Variants in CFAP52 observed in about 807,000 individuals in gnomAD.
The protein encoded by CFAP52 is cilia and flagella associated protein 52, also known as cilia- and flagella-associated protein 52.
Under a neutral mutation model 70.5 loss-of-function variants are expected in CFAP52, and 57 were observed. The ratio of observed to expected loss-of-function variants is 0.81; its 90% CI spans 0.65 to 1.01. The LOEUF (loss-of-function observed/expected upper bound fraction) is 1.01, where lower values mean the gene tolerates loss of function less well. Ranked by LOEUF, CFAP52 falls within the 50% of genes least tolerant of loss-of-function variation. CFAP52 has a pLI of 0.00. For missense variants in CFAP52, 785 were observed against 788.5 expected, an observed-to-expected ratio of 1.00 and a Z score of 0.05; for synonymous variants, 267 against 292.5, an observed-to-expected ratio of 0.91 and a Z score of 0.89.
intron 9 of CFAP52, among the ~76,000 whole-genome samples, chr17:9,629,504 T>C (rs1010578782): frequency 8.6e-5 from 13 of 151,350 alleles, no homozygotes; most frequent in African/African-American, 3.2e-4. Context: ...TCTTTTCTTT[T>C]CTTTCTTTCT....
At chr17:9,596,057 GTGTATATATATATATATATATATATA>G (rs1214769618) in intron 4 of CFAP52, among the ~76,000 whole-genome samples, 6 of 103,584 alleles carry the variant, frequency 5.8e-5, no homozygotes, top group East Asian at 3.2e-4. Context: ...ATATATGTGT[GTGTATATATATATATATATATATATA>G]TATATATATA....
intron 12 of CFAP52, chr17:9,639,135 A>G: frequency 1.9e-5 from 3 of 154,780 alleles, no homozygotes; most frequent in South Asian, 2.0e-4. Flanking sequence ...ATACATTAAA[A>G]ATCTACACAC....
intron 1 of CFAP52, among the ~76,000 whole-genome samples, chr17:9,585,496 G>A (rs577054095): frequency 2.4e-4 from 37 of 152,092 alleles, no homozygotes; most frequent in Admixed American, 3.3e-4. Context: ...GTGAAACCCC[G>A]TCTCTACTAA....
At chr17:9,612,626 T>A in intron 8 of CFAP52, 147 bp downstream of exon 8, 1 of 932,542 alleles carries the variant, frequency 1.1e-6, no homozygotes, top group South Asian at 2.0e-5. Flanking sequence ...TTTAAGAGAC[T>A]TTCCATTGTC....
At position 9,628,835 on chromosome 17, in the gene CFAP52, T is replaced by C. The variant is rs1220588467; in HGVS notation, c.1174+15T>C. ...CATCATTTCAGGTAACGTCCACATG[T>C]CAAGATCTGGCTTGGGGCTCTAGCT... On this transcript the variant is annotated intron_variant, in intron 9 of 13. Coordinates refer to ENST00000352665, the MANE Select transcript of CFAP52 (RefSeq NM_145054.5). 1 of 1,613,878 alleles carries C rather than the reference T, an allele frequency of 6.2e-7. No homozygotes were observed. The highest frequency in any genetic ancestry group is 8.5e-7 in the Non-Finnish European group (1 of 1,179,854).
chr17:9,631,232 C>T (rs57510845), intron 9 of CFAP52, among the ~76,000 whole-genome samples: 2,392 of 151,934 alleles, frequency 0.016, 76 homozygotes, highest in African/African-American at 0.054. Flanking sequence ...ACCTTCTTAC[C>T]TGGAGCTCTT....
chr17:9,577,600 T>C (rs1908022381), intron 1 of CFAP52, among the ~76,000 whole-genome samples: 2 of 152,174 alleles, frequency 1.3e-5, no homozygotes, highest in Admixed American at 1.3e-4. Context: ...CTGTCTAAAG[T>C]TTTAAGCATA....
chr17:9,576,720 G>A lies in CFAP52; in HGVS notation c.25G>A (p.Ala9Thr). Residue 9 changes from alanine (A) to threonine (T), a missense_variant, in exon 1 of 14, where the codon GCC (alanine) becomes ACC (threonine). Ala to Thr is a moderately conservative substitution (Grantham distance 58). Coordinates refer to ENST00000352665, the MANE Select transcript of CFAP52 (RefSeq NM_145054.5). ...GATGGATAACAAAATTTCGCCGGAGGCCCAAGTGGCGGAGCTGGAACTTGA... is the reference window on the plus strand; with the variant it reads ...GATGGATAACAAAATTTCGCCGGAGACCCAAGTGGCGGAGCTGGAACTTGA... The part of the protein sequence containing the change: MDNKISPE[A>T]QVAELELDAV... The A allele has an allele frequency of 1.9e-6, 3 of 1,612,408 alleles. No individual in the cohort carries two copies. The highest frequency in any genetic ancestry group is 2.5e-6 in the Non-Finnish European group (3 of 1,179,218).
chr17:9,642,926 A>G (rs1406662384), intron 13 of CFAP52, 97 bp from the exon 14 acceptor site: 1 of 1,062,498 alleles, frequency 9.4e-7, no homozygotes, highest in Non-Finnish European at 1.3e-6. Flanking sequence ...AGACAGATAC[A>G]TGGGGACCAT....
chr17:9,587,840 C>T (rs532949059), intron 3 of CFAP52, among the ~76,000 whole-genome samples: 137 of 152,284 alleles, frequency 9.0e-4, no homozygotes, highest in African/African-American at 2.8e-3. Flanking sequence ...GCCCTGTCCC[C>T]TCTAATGTTC....
intron 7 of CFAP52, among the ~76,000 whole-genome samples, chr17:9,610,013 C>G (rs558856695): frequency 6.6e-5 from 10 of 150,950 alleles, no homozygotes; most frequent in African/African-American, 2.0e-4. Flanking sequence ...GAGAGAGAGA[C>G]AGAGACAGAG....
At chr17:9,577,297 G>T (rs952311050) in intron 1 of CFAP52, among the ~76,000 whole-genome samples, 1 of 152,208 alleles carries the variant, frequency 6.6e-6, no homozygotes, top group Non-Finnish European at 1.5e-5. Flanking sequence ...CCTAAGGAAG[G>T]TTTCTAAATG....
In CFAP52 at chr17:9,631,052, GAGAAAGAA is replaced by G. The variant is rs1555544295; in HGVS notation, c.1175-1812_1175-1805del. Among the ~76,000 whole-genome samples, 16 of 37,952 alleles carry G rather than the reference GAGAAAGAA, an allele frequency of 4.2e-4. 1 individual carries two copies. Among genetic ancestry groups the G allele is most frequent in the South Asian group, 1.4e-3 (1 of 732 alleles). 24.9% of individuals were successfully genotyped at this position (37,952 alleles called of 152,430 possible). On this transcript the variant is annotated intron_variant, in intron 9 of 13. Transcript: ENST00000352665. ...AAAGAGAGAGAGAGAGAGAGAGAGA[GAGAAAGAA>G]AGAAAGAAAGAAAGAAAGAAAGAGA...
rs576618996 is a variant in CFAP52, at chr17:9,616,023, G to T, written c.1025+3544G>T. Among the ~76,000 whole-genome samples, 385 of 150,796 alleles carry T rather than the reference G, an allele frequency of 2.6e-3. 4 individuals carry two copies. The highest frequency in any genetic ancestry group is 0.01 in the Middle Eastern group (3 of 294). On this transcript the variant is annotated intron_variant, in intron 8 of 13. Transcript: ENST00000352665. Reference sequence around the variant, plus strand: ...AAGATGGCCGAATAGGAACAGCTCCGGTCTACAGCTCCCAGCGTGAGCGAC... The same window carrying T: ...AAGATGGCCGAATAGGAACAGCTCCTGTCTACAGCTCCCAGCGTGAGCGAC...
chr17:9,643,110 G>A lies in CFAP52; in HGVS notation c.1775G>A (p.Arg592His), dbSNP rs566597331. 9.9e-6 allele frequency: 16 copies of A among 1,613,570 alleles called. No homozygotes were observed. The highest frequency in any genetic ancestry group is 1.6e-4 in the Middle Eastern group (1 of 6,062). The change falls in exon 14 of 14, where the codon CGC (arginine) becomes CAC (histidine). Residue 592 changes from arginine (R) to histidine (H), a missense_variant. Arg to His is a conservative substitution (Grantham distance 29). Coordinates refer to ENST00000352665, the MANE Select transcript of CFAP52 (RefSeq NM_145054.5). ...GTGGGACACAGTGGCAACATCACACGCATCCGCATAAGTCCAGGAAATCAA... is the reference window on the plus strand; with the variant it reads ...GTGGGACACAGTGGCAACATCACACACATCCGCATAAGTCCAGGAAATCAA... ...VGVGHSGNIT[R>H]IRISPGNQYI...
At chr17:9,640,470 C>T (rs1911003618) in intron 12 of CFAP52, among the ~76,000 whole-genome samples, 1 of 148,084 alleles carries the variant, frequency 6.8e-6, no homozygotes. Context: ...CCTTCAGCTT[C>T]CACTTGTAAG....
intron 12 of CFAP52, among the ~76,000 whole-genome samples, chr17:9,640,452 C>T (rs1181107831): frequency 1.3e-5 from 2 of 149,706 alleles, no homozygotes; most frequent in Non-Finnish European, 3.0e-5. Flanking sequence ...GTGTCCATCT[C>T]TTTTCATCCT....
intron 8 of CFAP52, among the ~76,000 whole-genome samples, chr17:9,627,314 A>G (rs1165105981): frequency 6.6e-6 from 1 of 152,098 alleles, no homozygotes; most frequent in African/African-American, 2.4e-5. Flanking sequence ...GTTTGAGACT[A>G]GCCTGGCCAA....
intron 1 of CFAP52, among the ~76,000 whole-genome samples, chr17:9,582,369 T>C (rs1237214423): frequency 2.0e-5 from 3 of 152,220 alleles, no homozygotes; most frequent in African/African-American, 7.2e-5. Flanking sequence ...ACATGGTATC[T>C]CATTTCGGAC....
Sources: gnomAD v4.1 joint callset for allele counts (sites outside exome capture counted in the v4.1 genomes callset) on GRCh38, gnomAD v4.1.1 for gene constraint, MANE v1.5 for transcripts, NCBI Gene and HGNC (gene_info 2026-07-23, HGNC 2026-07-21) for gene names.